CPD: variants seen among roughly 807,000 people sequenced by gnomAD.
CPD encodes the protein metallocarboxypeptidase D.
CPD carries 69 observed loss-of-function variants against 138.3 expected under a neutral mutation model. The ratio of observed to expected loss-of-function variants is 0.50; its 90% confidence interval spans 0.41 to 0.61. CPD has a LOEUF of 0.61. Ranked by LOEUF, CPD falls within the 20% of genes least tolerant of loss-of-function variation. The pLI, the probability that CPD is intolerant of heterozygous loss-of-function variation, is 0.00. For missense variants in CPD, 1,432 were observed against 1,733.3 expected (o/e 0.83, Z 3.09); for synonymous variants, 651 against 642.1 (o/e 1.01, Z -0.21).
chr17:30,429,190 TTTG>T (rs1222767345), intron 7 of CPD, among the ~76,000 whole-genome samples: 1 of 152,242 alleles, frequency 6.6e-6, no homozygotes, highest in Non-Finnish European at 1.5e-5. Flanking sequence ...AAATAAATTT[TTTG>T]TTTTCTTTTA....
chr17:30,417,347 G>A (rs7218934), intron 2 of CPD, among the ~76,000 whole-genome samples: 76,365 of 151,776 alleles, frequency 0.5, 19,731 homozygotes, highest in East Asian at 0.83. Context: ...AATATTTGCC[G>A]AAAGAAAACT....
Position 30,423,007 on chromosome 17 carries a change from G to A in CPD, c.1641G>A (p.Pro547=), listed in dbSNP as rs769867418. The A allele has an allele frequency of 8.7e-6, 14 of 1,610,630 alleles. No individual in the cohort carries two copies. Among genetic ancestry groups the A allele is most frequent in the South Asian group, 7.7e-5 (7 of 90,738 alleles). The change falls in exon 5 of 21, where the codon CCG becomes CCA. Residue 547 remains proline, a synonymous_variant. Coordinates refer to ENST00000225719, the MANE Select transcript of CPD (RefSeq NM_001304.5). ...ATGTGATGGAGATATCTGATAATCC[G>A]GGTGTCCATGAACCAGGTAATTGGT... The part of the protein sequence containing the change: ...ELYVMEISDN[P]GVHEPGEPEF...
chr17:30,435,125 C>CA (rs1332619182), intron 8 of CPD, among the ~76,000 whole-genome samples: 3 of 151,044 alleles, frequency 2.0e-5, no homozygotes, highest in African/African-American at 7.3e-5. Context: ...GGCCAGGAAA[C>CA]AAAAAACAGG....
At chr17:30,455,162 C>A in intron 14 of CPD, 177 bp from the exon 15 acceptor site, 1 of 575,672 alleles carries the variant, frequency 1.7e-6, no homozygotes, top group Non-Finnish European at 3.0e-6. Context: ...CTCAGACTAA[C>A]CTACCTTCTG....
rs1275204631 is a variant in CPD, at chr17:30,401,208, GCTGCTT to G, written c.994+15987_994+15992del. On this transcript the variant is annotated intron_variant, in intron 2 of 20. Transcript: ENST00000225719. ...AGACTATTTTATTGCTGCTGCTGCT[GCTGCTT>G]CTGCTTCTGCTTCTTCTGCTTCTGC... is the stretch of plus-strand genomic sequence containing the variant. Among the ~76,000 whole-genome samples the G allele has an allele frequency of 1.4e-3, 218 of 150,700 alleles. 1 individual carries two copies. In the Middle Eastern group the frequency reaches 0.024, roughly 16 times the overall value.
chr17:30,420,919 C>T lies in CPD; in HGVS notation c.1073C>T (p.Pro358Leu), dbSNP rs371151229. 1.4e-4 allele frequency: 233 copies of T among 1,613,752 alleles called. 1 individual carries two copies. In the South Asian group the frequency reaches 2.4e-3, roughly 17 times the overall value. ...TLELSCCKYP[P>L]ASQLRQEWEN... is the part of the protein sequence containing the mutation. Reference sequence around the variant, plus strand: ...GAACTGTCTTGTTGCAAGTACCCACCTGCTTCACAGCTTCGACAGGAATGG... The same window carrying T: ...GAACTGTCTTGTTGCAAGTACCCACTTGCTTCACAGCTTCGACAGGAATGG... The change falls in exon 3 of 21, where the codon CCT becomes CTT. Residue 358 changes from proline to leucine, a missense_variant. Physicochemically the swap from Pro to Leu is moderately conservative, Grantham distance 98 (BLOSUM62 -3). Transcript: ENST00000225719.
Position 30,455,472 on chromosome 17 carries a change from T to C in CPD, c.3337+2T>C. ...CTTATGACAAGCCAGTACAGACAGG[T>C]ATGTAGAATGTCATTTTATATATAT... On this transcript the variant is annotated splice_donor_variant, in intron 15 of 20. Transcript: ENST00000225719. LOFTEE classifies it high-confidence loss of function. 1 of 1,608,274 alleles carries C rather than the reference T, an allele frequency of 6.2e-7. No individual in the cohort carries two copies. Among genetic ancestry groups the C allele is most frequent in the Non-Finnish European group, 8.5e-7 (1 of 1,178,586 alleles).
chr17:30,410,078 A>G (rs1911921473), intron 2 of CPD, among the ~76,000 whole-genome samples: 1 of 152,210 alleles, frequency 6.6e-6, no homozygotes, highest in Non-Finnish European at 1.5e-5. Context: ...ATTGGTTTCA[A>G]AGAACATCTT....
chr17:30,398,542 A>G (rs908942524), intron 2 of CPD, among the ~76,000 whole-genome samples: 1 of 152,146 alleles, frequency 6.6e-6, no homozygotes, highest in Non-Finnish European at 1.5e-5. Flanking sequence ...TGTCAGGCCT[A>G]TCTACAGATC....
rs759691290 is a variant in CPD at position 30,461,953 on chromosome 17, A to G, written c.3707A>G (p.Glu1236Gly). Residue 1236 changes from glutamate to glycine, a missense_variant, in exon 19 of 21, where the codon GAA (glutamate) becomes GGA (glycine). Transcript: ENST00000225719. ...PISKAVIVLNEGIKVQTKEGG... is the reference protein window; with the variant it reads ...PISKAVIVLNGGIKVQTKEGG... Reference sequence around the variant, plus strand: ...TCTAAAGCAGTCATTGTACTTAATGAAGGAATAAAGGTACAAACAAAAGAG... The same window carrying G: ...TCTAAAGCAGTCATTGTACTTAATGGAGGAATAAAGGTACAAACAAAAGAG... 1.2e-5 allele frequency: 19 copies of G among 1,613,616 alleles called. No homozygotes were observed. Among genetic ancestry groups the G allele is most frequent in the Admixed American group, 3.3e-5 (2 of 59,994 alleles).
rs966905031 is a variant in CPD, at chr17:30,379,903, A to G, written c.746+177A>G. 3.3e-5 allele frequency among the ~76,000 whole-genome samples: 5 copies of G among 152,180 alleles called. No individual in the cohort carries two copies. The highest frequency in any genetic ancestry group is 4.8e-5 in the African/African-American group (2 of 41,452). ...CGCGTAGCCTCCCGTCCTGCTAATCATCAAAGAATTGCCTCCTAGAGGCTG... is the reference window on the plus strand; with the variant it reads ...CGCGTAGCCTCCCGTCCTGCTAATCGTCAAAGAATTGCCTCCTAGAGGCTG... On this transcript the variant is annotated intron_variant, in intron 1 of 20. Coordinates refer to ENST00000225719, the MANE Select transcript of CPD (RefSeq NM_001304.5). The surrounding 1 kb of genome is among the most constrained non-coding windows in gnomAD (Gnocchi z 7.0).
rs923387387 is a variant in CPD, at chr17:30,458,471, C to CT, written c.3498+1953dup. On this transcript the variant is annotated intron_variant, in intron 17 of 20. Coordinates refer to ENST00000225719, the MANE Select transcript of CPD (RefSeq NM_001304.5). ...CCCGCCCCACCCCATGTTTTCTTTT[C>CT]TTTTTTTTGGAGGGCAAATGTGGGA... is the stretch of plus-strand genomic sequence containing the variant. 5.3e-5 allele frequency among the ~76,000 whole-genome samples: 8 copies of CT among 151,878 alleles called. No homozygotes were observed. In the East Asian group the frequency reaches 1.2e-3, roughly 22 times the overall value.
rs535880946 is a variant in CPD at position 30,423,641 on chromosome 17, C to T, written c.1793C>T (p.Thr598Ile). 3.7e-6 allele frequency: 6 copies of T among 1,610,604 alleles called. No homozygotes were observed. The East Asian group carries it at 1.3e-4, about 36-fold the overall frequency. ...DPEVTDLVHNTRIHLMPSMNP... is the reference protein window; with the variant it reads ...DPEVTDLVHNIRIHLMPSMNP... ...GAAGTCACAGATTTGGTTCATAACA[C>T]TAGAATTCACCTTATGCCATCCATG... Residue 598 changes from threonine (T) to isoleucine (I), a missense_variant, in exon 6 of 21, where the codon ACT (threonine) becomes ATT (isoleucine). By Grantham distance (89) the Thr-to-Ile change is moderately conservative. This residue lies in a region of CPD where 297 missense variants were observed against 405.3 expected (regional missense o/e 0.73). Coordinates refer to ENST00000225719, the MANE Select transcript of CPD (RefSeq NM_001304.5).
chr17:30,421,579 A>G, intron 3 of CPD, 85 bp from the exon 4 acceptor site: 1 of 1,182,568 alleles, frequency 8.5e-7, no homozygotes, highest in Non-Finnish European at 1.2e-6. Flanking sequence ...TATTTTTTAG[A>G]AATTCTAGTA....
In CPD at chr17:30,423,615, T is replaced by C. The variant is rs1215474113; in HGVS notation, c.1767T>C (p.Pro589=). The C allele has an allele frequency of 6.2e-7, 1 of 1,612,808 alleles. No homozygotes were observed. The highest frequency in any genetic ancestry group is 8.5e-7 in the Non-Finnish European group (1 of 1,179,434). The part of the protein sequence containing the change: ...EYLCKNFGTD[P]EVTDLVHNTR... ...TTTGTAAGAACTTTGGAACAGACCC[T>C]GAAGTCACAGATTTGGTTCATAACA... The change falls in exon 6 of 21, where the codon CCT becomes CCC. Residue 589 remains proline (P), a synonymous_variant. Transcript: ENST00000225719.
chr17:30,403,521 A>G (rs1404144481), intron 2 of CPD, among the ~76,000 whole-genome samples: 1 of 152,196 alleles, frequency 6.6e-6, no homozygotes, highest in Non-Finnish European at 1.5e-5. Flanking sequence ...ATCTCCTTTC[A>G]TGGGAAAGAA....
At chr17:30,409,647 G>A (rs569281558) in intron 2 of CPD, among the ~76,000 whole-genome samples, 12 of 151,704 alleles carry the variant, frequency 7.9e-5, no homozygotes, top group Admixed American at 2.6e-4. Context: ...TGTGTAGAGC[G>A]GTTTATAGTA....
At chr17:30,464,180 C>T (rs942887309) in intron 20 of CPD, among the ~76,000 whole-genome samples, 1 of 152,028 alleles carries the variant, frequency 6.6e-6, no homozygotes, top group African/African-American at 2.4e-5. Context: ...CACTTGAAGT[C>T]AGGAGTTCTA....
chr17:30,426,199 C>CAAA (rs35054719), intron 6 of CPD, among the ~76,000 whole-genome samples: 1 of 105,436 alleles, frequency 9.5e-6, no homozygotes. Context: ...GGCTCCGTCT[C>CAAA]AAAAAAAAAA....
Sources: gnomAD v4.1 joint callset for allele counts (sites outside exome capture counted in the v4.1 genomes callset) on GRCh38, gnomAD v4.1.1 for gene constraint, gnomAD v4.1.1 regional missense constraint, Gnocchi (gnomAD v3.1) non-coding constraint, MANE v1.5 for transcripts, NCBI Gene and HGNC (gene_info 2026-07-23, HGNC 2026-07-21) for gene names.